The following STYK1 variants were observed in gnomAD, a reference collection of about 807,000 sequenced individuals.
The protein encoded by STYK1 is tyrosine-protein kinase STYK1.
A neutral mutation model predicts 48.1 loss-of-function variants in STYK1; 46 were observed. The observed-to-expected ratio is 0.96, with a 90% CI of 0.75 to 1.22. The LOEUF (loss-of-function observed/expected upper bound fraction) is 1.22, where lower values mean the gene tolerates loss of function less well. STYK1 is among the 50% of genes most tolerant of loss of function. The pLI is 0.00. For synonymous variants in STYK1, 188 were observed against 189.0 expected, an observed-to-expected ratio of 0.99 and a Z score of 0.04; for missense variants, 527 against 521.1, an observed-to-expected ratio of 1.01 and a Z score of -0.11.
intron 4 of STYK1, among the ~76,000 whole-genome samples, chr12:10,632,160 T>C (rs2120648805): frequency 6.6e-6 from 1 of 151,328 alleles, no homozygotes; most frequent in East Asian, 2.0e-4. Context: ...CTGGGCTGAA[T>C]TAACATTCAG....
At chr12:10,621,638 GTA>G (rs1865907501) in intron 10 of STYK1, among the ~76,000 whole-genome samples, 1 of 151,932 alleles carries the variant, frequency 6.6e-6, no homozygotes, top group Non-Finnish European at 1.5e-5. Flanking sequence ...TGTGGTGGGG[GTA>G]TGTGTGTGTA....
At chr12:10,628,478 A>G (rs1947384843) in intron 6 of STYK1, among the ~76,000 whole-genome samples, 1 of 152,252 alleles carries the variant, frequency 6.6e-6, no homozygotes, top group African/African-American at 2.4e-5. Flanking sequence ...GTTAGAGGAC[A>G]AAACAAGTTT....
At chr12:10,622,108 C>T in intron 9 of STYK1, 136 bp from the exon 10 acceptor site, 2 of 663,114 alleles carry the variant, frequency 3.0e-6, no homozygotes, top group Non-Finnish European at 5.2e-6. Flanking sequence ...AATTCAGTTG[C>T]TCCCTGGTGA....
chr12:10,639,014 G>A (rs999804574), intron 1 of STYK1, among the ~76,000 whole-genome samples: 1 of 152,176 alleles, frequency 6.6e-6, no homozygotes, highest in African/African-American at 2.4e-5. Flanking sequence ...ATGGGGCAGA[G>A]GACTCAAAGA....
intron 9 of STYK1, among the ~76,000 whole-genome samples, 194 bp downstream of exon 9, chr12:10,622,444 A>G (rs144611886): frequency 1.2e-3 from 176 of 152,348 alleles, no homozygotes; most frequent in African/African-American, 4.0e-3. Flanking sequence ...GACAGGGAAG[A>G]AGGGACTGGG....
At chr12:10,628,675 CAGGT>C (rs1162316822) in intron 6 of STYK1, among the ~76,000 whole-genome samples, 2 of 152,056 alleles carry the variant, frequency 1.3e-5, no homozygotes, top group East Asian at 3.9e-4. Flanking sequence ...ACTAGGGAAA[CAGGT>C]AGCACTTCTG....
chr12:10,658,107 G>A (rs1266862739), intron 1 of STYK1, among the ~76,000 whole-genome samples: 2 of 152,114 alleles, frequency 1.3e-5, no homozygotes, highest in Non-Finnish European at 2.9e-5. Flanking sequence ...AAGTTAAAGG[G>A]GTCTTATTCA....
Position 10,622,677 on chromosome 12 carries a change from A to G in STYK1, c.928T>C (p.Trp310Arg). The G allele has an allele frequency of 1.2e-6, 2 of 1,613,992 alleles. No homozygotes were observed. Among genetic ancestry groups the G allele is most frequent in the Non-Finnish European group, 1.7e-6 (2 of 1,179,916 alleles). ...LRPASIRADV[W>R]SFGILLYEMV... is the part of the protein sequence containing the mutation. ...TCATAGAGCAGGATCCCAAAAGACC[A>G]GCTGTAAAAGAAACAAAGCCATCTA... is the stretch of plus-strand genomic sequence containing the variant. Residue 310 changes from tryptophan to arginine, a missense_variant and splice_region_variant, in exon 9 of 11, where the codon TGG becomes CGG. Transcript: ENST00000075503.
rs546918260 is a variant in STYK1, at chr12:10,649,884, G to A, written c.-194-12688C>T. Among the ~76,000 whole-genome samples, 29 of 152,142 alleles carry A rather than the reference G, an allele frequency of 1.9e-4. 1 individual carries two copies. In the South Asian group the frequency reaches 5.0e-3, roughly 26 times the overall value. On this transcript the variant is annotated intron_variant, in intron 1 of 10. Coordinates refer to ENST00000075503, the MANE Select transcript of STYK1 (RefSeq NM_018423.3). ...TCCCAGCACTTTGGGAGGTTGAGGCGGGCGGATCGCGAGGTCAGGAGATCG... is the reference window on the plus strand; with the variant it reads ...TCCCAGCACTTTGGGAGGTTGAGGCAGGCGGATCGCGAGGTCAGGAGATCG...
At chr12:10,669,572 C>T (rs1327042308) in intron 1 of STYK1, among the ~76,000 whole-genome samples, 1 of 152,036 alleles carries the variant, frequency 6.6e-6, no homozygotes, top group African/African-American at 2.4e-5. Flanking sequence ...TTAGGCTAGG[C>T]AATGTTTTTT....
chr12:10,642,582 A>T (rs926094470), intron 1 of STYK1, among the ~76,000 whole-genome samples: 3 of 152,362 alleles, frequency 2.0e-5, no homozygotes, highest in African/African-American at 7.2e-5. Flanking sequence ...ATAACCAAAA[A>T]TAACAAAATG....
At position 10,629,693 on chromosome 12, in the gene STYK1, C is replaced by G. The variant is rs780048564; in HGVS notation, c.452-19G>C. On this transcript the variant is annotated intron_variant, in intron 5 of 10. Coordinates refer to ENST00000075503, the MANE Select transcript of STYK1 (RefSeq NM_018423.3). Reference sequence around the variant, plus strand: ...GCTGGTTCTGTAGAGGACGAAAGATCCAGGCAGTGAGCAGTCAGAGCATCC... The same window carrying G: ...GCTGGTTCTGTAGAGGACGAAAGATGCAGGCAGTGAGCAGTCAGAGCATCC... 13 of 1,613,800 alleles carry G rather than the reference C, an allele frequency of 8.1e-6. No individual in the cohort carries two copies. Among genetic ancestry groups the G allele is most frequent in the Non-Finnish European group, 1.0e-5 (12 of 1,179,942 alleles).
rs1947338116 is a variant in STYK1 at position 10,624,811 on chromosome 12, T to C, written c.766A>G (p.Asn256Asp). 1 of 1,614,028 alleles carries C rather than the reference T, an allele frequency of 6.2e-7. No individual in the cohort carries two copies. Among genetic ancestry groups the C allele is most frequent in the Non-Finnish European group, 8.5e-7 (1 of 1,180,034 alleles). ...GTGAGATCACTTTGCATCAGAATAT[T>C]CCTGGCTGCCACATCCCCATGGAAC... ...HLFHGDVAAR[N>D]ILMQSDLTAK... The change falls in exon 8 of 11, where the codon AAT becomes GAT. Residue 256 changes from asparagine to aspartate, a missense_variant. Physicochemically the swap from Asn to Asp is conservative, Grantham distance 23. Coordinates refer to ENST00000075503, the MANE Select transcript of STYK1 (RefSeq NM_018423.3).
At chr12:10,650,935 GC>G (rs1157360251) in intron 1 of STYK1, among the ~76,000 whole-genome samples, 3 of 151,864 alleles carry the variant, frequency 2.0e-5, no homozygotes, top group African/African-American at 7.3e-5. Context: ...AACCCGGGAG[GC>G]GGAGGTTGCA....
intron 1 of STYK1, among the ~76,000 whole-genome samples, chr12:10,666,419 C>T (rs1214483349): frequency 6.6e-6 from 1 of 152,156 alleles, no homozygotes; most frequent in Non-Finnish European, 1.5e-5. Context: ...TAAAGTTGTC[C>T]AACACAAACC....
intron 1 of STYK1, among the ~76,000 whole-genome samples, chr12:10,661,997 C>A (rs944900272): frequency 6.6e-6 from 1 of 152,154 alleles, no homozygotes; most frequent in African/African-American, 2.4e-5. Context: ...GAAACCCCTA[C>A]CCAATAGCAA....
intron 1 of STYK1, among the ~76,000 whole-genome samples, chr12:10,641,423 A>G (rs1947543725): frequency 1.3e-5 from 2 of 152,128 alleles, no homozygotes; most frequent in South Asian, 2.1e-4. Context: ...GTCTCCCCCC[A>G]TAAGTGAGGA....
chr12:10,667,909 G>A (rs972292106), intron 1 of STYK1, among the ~76,000 whole-genome samples: 6 of 152,130 alleles, frequency 3.9e-5, no homozygotes, highest in African/African-American at 1.4e-4. Context: ...GTATAGGGAA[G>A]AAAAGCTAGT....
At chr12:10,625,868 T>C (rs982289587) in intron 7 of STYK1, among the ~76,000 whole-genome samples, 3 of 152,186 alleles carry the variant, frequency 2.0e-5, no homozygotes, top group Admixed American at 1.3e-4. Flanking sequence ...GTAACCGACA[T>C]TTTTAAGATG....
Sources: gnomAD v4.1 joint callset for allele counts (sites outside exome capture counted in the v4.1 genomes callset) on GRCh38, gnomAD v4.1.1 for gene constraint, MANE v1.5 for transcripts, NCBI Gene and HGNC (gene_info 2026-07-23, HGNC 2026-07-21) for gene names.